The following NUP214 variants were observed in gnomAD, a reference collection of about 807,000 sequenced individuals.
The protein encoded by NUP214 is nucleoporin 214.
NUP214 carries 79 observed loss-of-function variants against 196.2 expected under a neutral mutation model. The ratio of observed to expected loss-of-function variants is 0.40; its 90% CI spans 0.34 to 0.49. The LOEUF (loss-of-function observed/expected upper bound fraction) is 0.49, where lower values mean the gene tolerates loss of function less well. Among genes scored for constraint, NUP214 ranks in the 20% least tolerant of loss-of-function variants. The pLI, the probability that NUP214 is intolerant of heterozygous loss-of-function variation, is 0.58. For synonymous variants in NUP214, 1,020 were observed against 990.5 expected (o/e 1.03, Z -0.56); for missense variants, 2,468 against 2,539.0 (o/e 0.97, Z 0.60).
intron 30 of NUP214, among the ~76,000 whole-genome samples, chr9:131,213,868 A>G (rs926076168): frequency 1.3e-5 from 2 of 152,096 alleles, no homozygotes; most frequent in Non-Finnish European, 2.9e-5. Flanking sequence ...AGCTTGTTGT[A>G]TTTGAGGCAC....
intron 22 of NUP214, 85 bp from the exon 23 acceptor site, chr9:131,175,375 T>G: frequency 6.8e-7 from 1 of 1,476,596 alleles, no homozygotes; most frequent in African/African-American, 1.4e-5. Flanking sequence ...TTCCCTGCAG[T>G]CGAACATAAA....
At chr9:131,163,612 G>T (rs1832705703) in intron 19 of NUP214, among the ~76,000 whole-genome samples, 1 of 152,078 alleles carries the variant, frequency 6.6e-6, no homozygotes, top group Admixed American at 6.5e-5. Context: ...TTGTGTTTAT[G>T]CTTTTAGGCC....
intron 17 of NUP214, among the ~76,000 whole-genome samples, chr9:131,153,582 A>G (rs1292293083): frequency 6.6e-6 from 1 of 152,192 alleles, no homozygotes; most frequent in Non-Finnish European, 1.5e-5. Context: ...TTGACAAACT[A>G]AGAGGAAAGC....
At chr9:131,174,433 T>A in intron 22 of NUP214, 115 bp downstream of exon 22, 13 of 492,372 alleles carry the variant, frequency 2.6e-5, no homozygotes, top group Non-Finnish European at 3.8e-5. Context: ...TCCAGCCCAC[T>A]TTTTTTTTTT....
chr9:131,187,142 A>AT (rs1279136223), intron 24 of NUP214, 147 bp from the exon 25 acceptor site: 1 of 615,530 alleles, frequency 1.6e-6, no homozygotes, highest in African/African-American at 1.9e-5. Context: ...TTCAAAAAAA[A>AT]TGTCAAATCA....
chr9:131,194,043 G>T (rs1427459287), intron 27 of NUP214: 3 of 150,976 alleles, frequency 2.0e-5, no homozygotes, highest in Admixed American at 2.0e-4. Flanking sequence ...AAGAAAGGTT[G>T]TGTTTTTTTT....
chr9:131,156,391 C>G (rs1159175672), intron 17 of NUP214, among the ~76,000 whole-genome samples: 2 of 151,816 alleles, frequency 1.3e-5, no homozygotes, highest in African/African-American at 4.8e-5. Context: ...CTAGGCCTCC[C>G]AAAGTGCTGG....
chr9:131,198,786 C>T lies in NUP214; in HGVS notation c.5292C>T (p.Pro1764=). Residue 1764 remains proline, a synonymous_variant, in exon 29 of 36, where the codon CCC becomes CCT. Transcript: ENST00000359428. ...TCGGTCAGCCTGCTTCCTCCACTCC[C>T]ACATCCACCAGTGGAAGTGTCTTTG... The part of the protein sequence containing the change: ...PAFGQPASST[P]TSTSGSVFGA... 1 of 1,614,258 alleles carries T rather than the reference C, an allele frequency of 6.2e-7. No homozygotes were observed. The highest frequency in any genetic ancestry group is 8.5e-7 in the Non-Finnish European group (1 of 1,180,048).
intron 33 of NUP214, 179 bp downstream of exon 33, chr9:131,228,510 C>T: frequency 1.8e-6 from 1 of 549,214 alleles, no homozygotes; most frequent in Non-Finnish European, 3.0e-6. Context: ...TTCGTTCAAG[C>T]CAGGCTTTGT....
chr9:131,214,826 A>T (rs1045290825), intron 30 of NUP214, among the ~76,000 whole-genome samples: 4 of 152,238 alleles, frequency 2.6e-5, no homozygotes, highest in Non-Finnish European at 5.9e-5. Flanking sequence ...CGCTGGAGGA[A>T]TCAGAATAAG....
At chr9:131,149,110 C>T (rs1832174632) in intron 14 of NUP214, among the ~76,000 whole-genome samples, 1 of 151,550 alleles carries the variant, frequency 6.6e-6, no homozygotes, top group Non-Finnish European at 1.5e-5. Context: ...TGAGAATAAG[C>T]GTTATGTCTT....
chr9:131,156,474 G>A (rs1832449062), intron 17 of NUP214, among the ~76,000 whole-genome samples: 1 of 151,390 alleles, frequency 6.6e-6, no homozygotes, highest in Non-Finnish European at 1.5e-5. Flanking sequence ...GTTTCCATTT[G>A]TGTCGTCTAT....
At position 131,128,377 on chromosome 9, in the gene NUP214, A is replaced by G. The variant is rs752665792; in HGVS notation, c.287A>G (p.His96Arg). 2.5e-6 allele frequency: 4 copies of G among 1,613,328 alleles called. No homozygotes were observed. The Admixed American group carries it at 6.7e-5, about 27-fold the overall frequency. Residue 96 changes from histidine (H) to arginine (R), a missense_variant, in exon 3 of 36, where the codon CAT (histidine) becomes CGT (arginine). Transcript: ENST00000359428. ...GLLVPMKFPI[H>R]HLALSCDNLT... ...CTAGTTCCTATGAAATTCCCAATCCATCACCTGGCCTTGAGCTGTGATAAC... is the reference window on the plus strand; with the variant it reads ...CTAGTTCCTATGAAATTCCCAATCCGTCACCTGGCCTTGAGCTGTGATAAC...
chr9:131,197,160 T>C lies in NUP214; in HGVS notation c.3722-56T>C. The C allele has an allele frequency of 3.8e-6, 6 of 1,583,680 alleles. No homozygotes were observed. The South Asian group carries it at 7.0e-5, about 19-fold the overall frequency. The stretch of plus-strand genomic sequence containing the variant: ...CTTAGAAACACAATCAGTGGAAATG[T>C]AATGGGTCATCTTTTGCTAAATCCA... On this transcript the variant is annotated intron_variant, in intron 28 of 35. Transcript: ENST00000359428.
At chr9:131,147,227 A>G (rs532012671) in intron 13 of NUP214, among the ~76,000 whole-genome samples, 160 of 152,198 alleles carry the variant, frequency 1.1e-3, no homozygotes, top group African/African-American at 2.7e-3. Flanking sequence ...GGCTCAAGCA[A>G]TCCTCCTGCC....
chr9:131,206,148 C>CTTTTTTTTTTTTTTCTTT lies in NUP214; in HGVS notation c.5592+4445_5592+4446insCTTTTTTTTTTTTTTTTT, dbSNP rs71265048. ...TCCACATAGAATTTTTTTCTTTTTTCTTTTTTTTTTTTTTGAGACAGGGTT... is the reference window on the plus strand; with the variant it reads ...TCCACATAGAATTTTTTTCTTTTTTCTTTTTTTTTTTTTTCTTTTTTTTTTTTTTTTTGAGACAGGGTT... On this transcript the variant is annotated intron_variant, in intron 30 of 35. Transcript: ENST00000359428. 3.9e-5 allele frequency among the ~76,000 whole-genome samples: 3 copies of CTTTTTTTTTTTTTTCTTT among 76,388 alleles called. 1 individual carries two copies. Among genetic ancestry groups the CTTTTTTTTTTTTTTCTTT allele is most frequent in the Non-Finnish European group, 7.1e-5 (3 of 42,230 alleles). 50.1% of individuals were successfully genotyped at this position (76,388 alleles called of 152,430 possible). A position where few individuals can be genotyped will look rare whatever the true frequency, so the allele number is the denominator to read the frequency against.
chr9:131,229,580 G>T (rs527603864), intron 33 of NUP214: 2 of 406,566 alleles, frequency 4.9e-6, no homozygotes, highest in South Asian at 1.8e-5. Flanking sequence ...CACAAATCCC[G>T]ATTGGCTGGT....
At chr9:131,133,587 C>T (rs140392542) in intron 7 of NUP214, 102 of 157,164 alleles carry the variant, frequency 6.5e-4, no homozygotes, top group Non-Finnish European at 1.1e-3. Flanking sequence ...TACAGGTGTG[C>T]GTCACCGCAC....
At chr9:131,140,307 C>T (rs1323090627) in intron 10 of NUP214, among the ~76,000 whole-genome samples, 2 of 152,110 alleles carry the variant, frequency 1.3e-5, no homozygotes, top group East Asian at 3.8e-4. Context: ...AGAGCTACTG[C>T]GGGACTGATG....
Sources: gnomAD v4.1 joint callset for allele counts (sites outside exome capture counted in the v4.1 genomes callset) on GRCh38, gnomAD v4.1.1 for gene constraint, MANE v1.5 for transcripts, NCBI Gene and HGNC (gene_info 2026-07-23, HGNC 2026-07-21) for gene names.